The following SMCHD1 variants were observed in gnomAD, a reference collection of about 807,000 sequenced individuals.
The protein encoded by SMCHD1 is structural maintenance of chromosomes flexible hinge domain-containing protein 1.
SMCHD1 carries 78 observed loss-of-function variants against 254.7 expected under a neutral mutation model. The ratio of observed to expected loss-of-function variants is 0.31; its 90% CI spans 0.26 to 0.37. The LOEUF is 0.37. Ranked by LOEUF, SMCHD1 falls within the 10% of genes least tolerant of loss-of-function variation. The pLI, the probability that SMCHD1 is intolerant of heterozygous loss-of-function variation, is 1.00. For missense variants in SMCHD1, 1,840 were observed against 2,408.1 expected (o/e 0.76, Z 4.94); for synonymous variants, 766 against 794.9 (o/e 0.96, Z 0.61).
chr18:2,783,572 ATTTC>A (rs1004486626), intron 44 of SMCHD1, among the ~76,000 whole-genome samples: 2 of 151,618 alleles, frequency 1.3e-5, no homozygotes, highest in Non-Finnish European at 2.9e-5. Flanking sequence ...TCTCTGAAGA[ATTTC>A]TTTCTTTTTT....
chr18:2,717,287 C>A (rs1353308789), intron 17 of SMCHD1, among the ~76,000 whole-genome samples: 1 of 152,196 alleles, frequency 6.6e-6, no homozygotes, highest in African/African-American at 2.4e-5. Flanking sequence ...GGATTCACTC[C>A]CAGTTTTTCA....
chr18:2,671,201 G>A (rs2073589095), intron 3 of SMCHD1, among the ~76,000 whole-genome samples: 1 of 152,058 alleles, frequency 6.6e-6, no homozygotes, highest in Non-Finnish European at 1.5e-5. Context: ...CTCCCAAAGT[G>A]CTGGGATTAC....
At chr18:2,678,209 TTTTC>T (rs149849879) in intron 5 of SMCHD1, among the ~76,000 whole-genome samples, 1 of 110,538 alleles carries the variant, frequency 9.0e-6, no homozygotes, top group African/African-American at 3.0e-5. Flanking sequence ...CTTTTCTTTC[TTTTC>T]TTTCTTTCTT....
At chr18:2,712,637 C>T (rs1341769292) in intron 17 of SMCHD1, among the ~76,000 whole-genome samples, 2 of 152,134 alleles carry the variant, frequency 1.3e-5, no homozygotes, top group Non-Finnish European at 2.9e-5. Context: ...CTGCATAAAC[C>T]AAGGGACAAC....
intron 1 of SMCHD1, among the ~76,000 whole-genome samples, chr18:2,656,473 C>G (rs1284755169): frequency 3.3e-5 from 5 of 152,246 alleles, no homozygotes; most frequent in Admixed American, 3.3e-4. Flanking sequence ...GCAGGGCCGG[C>G]TCCCCCGTGG....
chr18:2,703,173 A>AT (rs1460044576), intron 12 of SMCHD1, among the ~76,000 whole-genome samples: 1 of 152,212 alleles, frequency 6.6e-6, no homozygotes, highest in Non-Finnish European at 1.5e-5. Context: ...TATCACCCTC[A>AT]TAAGGAGTCT....
chr18:2,739,678 A>T (rs2075312333), intron 27 of SMCHD1, among the ~76,000 whole-genome samples, 158 bp downstream of exon 27: 1 of 152,214 alleles, frequency 6.6e-6, no homozygotes, highest in Non-Finnish European at 1.5e-5. Context: ...AAGTATTTTC[A>T]TTATCTTTGC....
At chr18:2,755,598 T>C (rs1172136350) in intron 34 of SMCHD1, among the ~76,000 whole-genome samples, 8 of 144,568 alleles carry the variant, frequency 5.5e-5, no homozygotes, top group African/African-American at 7.8e-5. Context: ...GATGGAGTCT[T>C]GCTCTGTCTC....
At chr18:2,697,188 C>G in intron 9 of SMCHD1, 66 bp downstream of exon 9, 1 of 773,476 alleles carries the variant, frequency 1.3e-6, no homozygotes, top group Non-Finnish European at 2.0e-6. Flanking sequence ...CCAAATGACT[C>G]AGGATAATAA....
At chr18:2,699,663 G>C (rs563268792) in intron 10 of SMCHD1, among the ~76,000 whole-genome samples, 1 of 152,262 alleles carries the variant, frequency 6.6e-6, no homozygotes, top group Non-Finnish European at 1.5e-5. Context: ...TAAATTTGCT[G>C]TTTCCAATTT....
chr18:2,696,964 G>C (rs143427992), intron 8 of SMCHD1, 68 bp from the exon 9 acceptor site: 55 of 723,410 alleles, frequency 7.6e-5, no homozygotes, highest in Non-Finnish European at 1.1e-4. Context: ...AAAATATTTT[G>C]ATAGAAGATT....
At chr18:2,770,762 A>AGG (rs2075964436) in intron 39 of SMCHD1, among the ~76,000 whole-genome samples, 1 of 152,282 alleles carries the variant, frequency 6.6e-6, no homozygotes, top group Middle Eastern at 3.4e-3. Flanking sequence ...CTAGGATTAC[A>AGG]GGCACATGCC....
At chr18:2,699,858 G>A (rs1376105269) in intron 10 of SMCHD1, among the ~76,000 whole-genome samples, 1 of 152,174 alleles carries the variant, frequency 6.6e-6, no homozygotes, top group Non-Finnish European at 1.5e-5. Flanking sequence ...TTTGTTTTAG[G>A]TGGGTAAACT....
At chr18:2,672,525 G>A (rs769025390) in intron 3 of SMCHD1, among the ~76,000 whole-genome samples, 5 of 152,184 alleles carry the variant, frequency 3.3e-5, no homozygotes, top group Non-Finnish European at 1.5e-5. Flanking sequence ...CACATCCAGC[G>A]TGAAATGCTA....
intron 29 of SMCHD1, among the ~76,000 whole-genome samples, chr18:2,746,828 T>G (rs1250923544): frequency 6.6e-6 from 1 of 152,180 alleles, no homozygotes; most frequent in African/African-American, 2.4e-5. Context: ...GTCAGGTATC[T>G]TGTTTAACAC....
intron 15 of SMCHD1, 194 bp downstream of exon 15, chr18:2,706,664 T>C (rs1266573318): frequency 2.4e-6 from 1 of 415,826 alleles, no homozygotes; most frequent in Non-Finnish European, 4.3e-6. Flanking sequence ...ATTTGTTTTG[T>C]AGACAAAGAA....
chr18:2,749,786 A>C (rs1020779419), intron 30 of SMCHD1, among the ~76,000 whole-genome samples: 1 of 152,210 alleles, frequency 6.6e-6, no homozygotes, highest in Non-Finnish European at 1.5e-5. Context: ...TGAACTAGAA[A>C]TCTGCAACTT....
intron 5 of SMCHD1, among the ~76,000 whole-genome samples, chr18:2,681,068 C>A (rs777709899): frequency 3.9e-5 from 6 of 151,950 alleles, no homozygotes; most frequent in Admixed American, 3.9e-4. Context: ...GAATTTGAGA[C>A]CAGCTTATGC....
chr18:2,686,742 G>A (rs1383019548), intron 5 of SMCHD1, among the ~76,000 whole-genome samples: 2 of 152,022 alleles, frequency 1.3e-5, no homozygotes, highest in Admixed American at 6.6e-5. Flanking sequence ...GATTGTAGAT[G>A]TTGGGAGGGT....
Sources: allele counts gnomAD v4.1 joint callset (sites outside exome capture counted in the v4.1 genomes callset), GRCh38; gene constraint gnomAD v4.1.1; transcripts MANE v1.5; gene names NCBI Gene and HGNC (gene_info 2026-07-23, HGNC 2026-07-21).